Variants in THAP6 observed in about 807,000 individuals in gnomAD.
The protein encoded by THAP6 is THAP domain-containing protein 6.
THAP6 carries 13 observed loss-of-function variants against 20.0 expected under a neutral mutation model. The ratio of observed to expected loss-of-function variants is 0.65; its 90% CI spans 0.42 to 1.03. The LOEUF is 1.03. Among genes scored for constraint, THAP6 ranks in the 50% least tolerant of loss-of-function variants. THAP6 has a pLI of 0.00. For synonymous variants in THAP6, 93 were observed against 92.2 expected, an observed-to-expected ratio of 1.01 and a Z score of -0.05; for missense variants, 262 against 261.6, an observed-to-expected ratio of 1.00 and a Z score of -0.01.
At chr4:75,541,346 C>A (rs1301747442) in intron 2 of THAP6, among the ~76,000 whole-genome samples, 1 of 152,010 alleles carries the variant, frequency 6.6e-6, no homozygotes, top group Admixed American at 6.6e-5. Flanking sequence ...GAAAACAAGA[C>A]CTTAACATGG....
intron 4 of THAP6, among the ~76,000 whole-genome samples, chr4:75,523,818 A>T (rs924401251): frequency 6.6e-6 from 1 of 150,938 alleles, no homozygotes; most frequent in Non-Finnish European, 1.5e-5. Context: ...AAAAAAAAAA[A>T]AAAGAAAAGA....
chr4:75,517,981 G>A (rs1387131304), intron 3 of THAP6, among the ~76,000 whole-genome samples: 1 of 152,220 alleles, frequency 6.6e-6, no homozygotes, highest in African/African-American at 2.4e-5. Context: ...AACAAGAGAA[G>A]TAGCCAAAAG....
At chr4:75,515,331 G>C (rs974195800) in intron 1 of THAP6, 102 bp from the exon 2 acceptor site, 4 of 1,087,340 alleles carry the variant, frequency 3.7e-6, no homozygotes, top group Non-Finnish European at 5.5e-6. Context: ...TTTGTCTTTA[G>C]CTTTCTATCC....
At chr4:75,514,286 T>A (rs776571759), upstream of THAP6, 1 of 1,611,802 alleles carries the variant, frequency 6.2e-7, no homozygotes, top group Admixed American at 1.7e-5. Flanking sequence ...GTCGCCGCCA[T>A]CTCCTCCACC....
At chr4:75,532,364 T>C (rs1039181943), downstream of THAP6, among the ~76,000 whole-genome samples, 2 of 152,230 alleles carry the variant, frequency 1.3e-5, no homozygotes, top group African/African-American at 4.8e-5. Context: ...TTCTATAGTC[T>C]TGGGCAGCTC....
intron 4 of THAP6, among the ~76,000 whole-genome samples, chr4:75,523,763 T>C (rs1726185640): frequency 6.9e-6 from 1 of 144,194 alleles, no homozygotes; most frequent in Non-Finnish European, 1.5e-5. Context: ...TCGCATTCAC[T>C]GTACTCCAGC....
chr4:75,519,061 T>G (rs1725845514), intron 3 of THAP6, among the ~76,000 whole-genome samples: 3 of 152,210 alleles, frequency 2.0e-5, no homozygotes, highest in Non-Finnish European at 4.4e-5. Flanking sequence ...CTCCCTCACA[T>G]GCTTTCCCAG....
intron 4 of THAP6, 151 bp downstream of exon 4, chr4:75,522,012 A>G (rs1466530894): frequency 1.1e-6 from 1 of 901,926 alleles, no homozygotes; most frequent in Non-Finnish European, 1.6e-6. Context: ...ATTGTAATTT[A>G]TATATATGCA....
rs528291841 is a variant in THAP6, at chr4:75,519,332, T to G, written c.288+2353T>G. Among the ~76,000 whole-genome samples the G allele has an allele frequency of 1.4e-3, 218 of 152,198 alleles. 6 individuals carry two copies. In the South Asian group the frequency reaches 0.044, roughly 31 times the overall value. ...GAACATTTTGGGGCACATCTTTTTT[T>G]TTTTTTTAATTATGCTTTAAGTTTT... On this transcript the variant is annotated intron_variant, in intron 3 of 4. Transcript: ENST00000311638.
intron 2 of THAP6, among the ~76,000 whole-genome samples, chr4:75,538,005 A>G (rs1726909953): frequency 6.6e-6 from 1 of 152,222 alleles, no homozygotes; most frequent in Non-Finnish European, 1.5e-5. Context: ...ATTTGTTACA[A>G]TGGCAATAGG....
chr4:75,543,939 T>C (rs558695435), intron 3 of THAP6, among the ~76,000 whole-genome samples: 1 of 152,312 alleles, frequency 6.6e-6, no homozygotes, highest in East Asian at 1.9e-4. Context: ...CCCAGTAAAT[T>C]ACATTCTTGG....
At position 75,528,965 on chromosome 4, in the gene THAP6, A is replaced by C; in HGVS notation, c.*1751A>C. 1 of 460,060 alleles carries C rather than the reference A, an allele frequency of 2.2e-6. No individual in the cohort carries two copies. Among genetic ancestry groups the C allele is most frequent in the South Asian group, 9.2e-5 (1 of 10,860 alleles). 28.5% of individuals were successfully genotyped at this position (460,060 alleles called of 1,614,324 possible). ...CTACTTGGGAGACTGAGGCAGGAGA[A>C]TTGCTTGAACCCGGGAGGCGGAGAT... On this transcript the variant is annotated 3_prime_UTR_variant, in exon 5 of 5. Transcript: ENST00000311638.
intron 3 of THAP6, among the ~76,000 whole-genome samples, chr4:75,518,897 C>G (rs1725835663): frequency 6.7e-6 from 1 of 150,006 alleles, no homozygotes; most frequent in South Asian, 2.1e-4. Context: ...CTATGTAGAA[C>G]ATCACTTTTT....
intron 2 of THAP6, among the ~76,000 whole-genome samples, chr4:75,540,645 G>T (rs183730414): frequency 5.2e-4 from 79 of 152,318 alleles, no homozygotes; most frequent in African/African-American, 1.9e-3. Context: ...TGAAGTGTAT[G>T]TGCTATGCAG....
chr4:75,527,031 A>G lies in THAP6; in HGVS notation c.486A>G (p.Leu162=), dbSNP rs1167760953. The G allele has an allele frequency of 1.2e-6, 2 of 1,614,130 alleles. No homozygotes were observed. Among genetic ancestry groups the G allele is most frequent in the African/African-American group, 2.7e-5 (2 of 75,076 alleles). ...AATTAGATCATGTGATCGGCGAGCT[A>G]GAGGATACAAAGGAAAGTCTACGGA... ...KHKLDHVIGE[L]EDTKESLRNV... Residue 162 remains leucine (L), a synonymous_variant, in exon 5 of 5, where the codon CTA becomes CTG. Transcript: ENST00000311638.
At chr4:75,524,482 A>G (rs1409318303) in intron 4 of THAP6, among the ~76,000 whole-genome samples, 9 of 152,166 alleles carry the variant, frequency 5.9e-5, no homozygotes, top group African/African-American at 2.2e-4. Context: ...CTATAGTGCA[A>G]CTATGCTGGT....
Position 75,529,573 on chromosome 4 carries a change from G to A in THAP6, c.*2359G>A, listed in dbSNP as rs1001529071. ...GTCCTCCCTGCTGCTCCAAACAAAT[G>A]CCTAAACACAGTATGTATCTCAGTC... is the stretch of plus-strand genomic sequence containing the variant. On this transcript the variant is annotated 3_prime_UTR_variant, in exon 5 of 5. Transcript: ENST00000311638. The A allele has an allele frequency of 7.1e-6, 7 of 985,314 alleles. No homozygotes were observed. In the African/African-American group the frequency reaches 1.2e-4, roughly 17 times the overall value. The allele number at this position is 985,314 out of a possible 1,614,324, so 61.0% of individuals were successfully genotyped here. A position where few individuals can be genotyped will look rare whatever the true frequency, so the allele number is the denominator to read the frequency against.
intron 2 of THAP6, among the ~76,000 whole-genome samples, chr4:75,539,011 C>T (rs1394673508): frequency 6.6e-6 from 1 of 152,156 alleles, no homozygotes; most frequent in Non-Finnish European, 1.5e-5. Context: ...TTTCAGGAGC[C>T]AGGAACTGTA....
downstream of THAP6, among the ~76,000 whole-genome samples, chr4:75,533,991 A>C (rs577556701): frequency 2.5e-4 from 38 of 149,182 alleles, no homozygotes; most frequent in African/African-American, 7.9e-4. Context: ...ATTCCCACCT[A>C]TGAGTGAGAA....
Sources: allele counts gnomAD v4.1 joint callset (sites outside exome capture counted in the v4.1 genomes callset), GRCh38; gene constraint gnomAD v4.1.1; transcripts MANE v1.5; gene names NCBI Gene and HGNC (gene_info 2026-07-23, HGNC 2026-07-21).